Variants in OC90 observed in about 807,000 individuals in gnomAD.
The protein encoded by OC90 is otoconin 90, also known as otoconin-90.
OC90 carries 46 observed loss-of-function variants against 47.3 expected under a neutral mutation model. The ratio of observed to expected loss-of-function variants is 0.97; its 90% CI spans 0.77 to 1.24. OC90 has a LOEUF of 1.24. Among genes scored for constraint, OC90 ranks in the 50% most tolerant of loss-of-function variants. The probability of loss-of-function intolerance (pLI) is 0.00; values close to 1 mark genes in which losing one functional copy is unlikely to be tolerated. For missense variants in OC90, 688 were observed against 583.9 expected, an observed-to-expected ratio of 1.18 and a Z score of -1.84; for synonymous variants, 271 against 219.5, an observed-to-expected ratio of 1.23 and a Z score of -2.07.
At chr8:132,025,926 T>C (rs1369093200) in intron 13 of OC90, among the ~76,000 whole-genome samples, 1 of 152,242 alleles carries the variant, frequency 6.6e-6, no homozygotes, top group Non-Finnish European at 1.5e-5. Flanking sequence ...TAAGGAAATA[T>C]GTGTTAGATT....
At chr8:132,046,644 G>A (rs937688137) in intron 2 of OC90, among the ~76,000 whole-genome samples, 1 of 152,188 alleles carries the variant, frequency 6.6e-6, no homozygotes, top group African/African-American at 2.4e-5. Flanking sequence ...CTCTCTAAAA[G>A]TTCAGAGAGC....
At position 132,028,616 on chromosome 8, in the gene OC90, A is replaced by AG. The variant is rs1277224564; in HGVS notation, c.1138+456dup. On this transcript the variant is annotated intron_variant, in intron 13 of 13. Transcript: ENST00000254627. ...GAAGGAAGGAGGGAAGGAGGGAAGG[A>AG]GGAAGGAAGGAAGGAAGGAAAGAAA... Among the ~76,000 whole-genome samples, 97 of 38,468 alleles carry AG rather than the reference A, an allele frequency of 2.5e-3. 1 individual carries two copies. Among genetic ancestry groups the AG allele is most frequent in the African/African-American group, 4.1e-3 (49 of 11,880 alleles). 25.2% of individuals were successfully genotyped at this position (38,468 alleles called of 152,430 possible).
intron 8 of OC90, 109 bp downstream of exon 8, chr8:132,038,681 G>A: frequency 1.2e-6 from 1 of 841,412 alleles, no homozygotes; most frequent in African/African-American, 1.7e-5. Context: ...CAGTGTCACA[G>A]TCACTCCAGC....
chr8:132,035,449 C>T (rs540904651), intron 9 of OC90, among the ~76,000 whole-genome samples: 61 of 152,304 alleles, frequency 4.0e-4, no homozygotes, highest in African/African-American at 1.4e-3. Context: ...TAGGAGGCGG[C>T]TGCAAACCCA....
chr8:132,040,926 T>C (rs1823042364), intron 6 of OC90, 118 bp downstream of exon 6: 2 of 691,312 alleles, frequency 2.9e-6, no homozygotes, highest in East Asian at 2.5e-5. Flanking sequence ...CTGCCAACGA[T>C]GCTGCCAGTG....
intron 4 of OC90, 88 bp from the exon 5 acceptor site, chr8:132,041,787 C>A: frequency 1.4e-6 from 1 of 697,950 alleles, no homozygotes. Flanking sequence ...ATACCTCAGG[C>A]TGATGGTGCC....
chr8:132,030,341 A>G (rs1030639787), intron 12 of OC90, among the ~76,000 whole-genome samples: 3 of 152,234 alleles, frequency 2.0e-5, no homozygotes, highest in African/African-American at 7.2e-5. Flanking sequence ...TCCTTAGTGA[A>G]GAGTTTTCTC....
At chr8:132,028,706 CAGAAAGAAAGAAAGAAAG>C (rs1260290422) in intron 13 of OC90, among the ~76,000 whole-genome samples, 1 of 112,974 alleles carries the variant, frequency 8.9e-6, no homozygotes, top group African/African-American at 3.4e-5. Context: ...GAAAGAGAGA[CAGAAAGAAAGAAAGAAAG>C]AGAAAGAAAG....
chr8:132,034,838 T>C lies in OC90; in HGVS notation c.680-4A>G. The C allele has an allele frequency of 2.5e-6, 4 of 1,611,764 alleles. No homozygotes were observed. In the South Asian group the frequency reaches 4.4e-5, roughly 18 times the overall value. On this transcript the variant is annotated splice_polypyrimidine_tract_variant and splice_region_variant and intron_variant, in intron 9 of 13. Coordinates refer to ENST00000254627, the MANE Select transcript of OC90 (RefSeq NM_001080399.3). ...CCTTCCTGATCGTGGCCTGCTTCTG[T>C]TCCCCAAAGAAGAGAGACAGCATGA...
chr8:132,044,251 T>G (rs1255310721), intron 4 of OC90, among the ~76,000 whole-genome samples, 182 bp downstream of exon 4: 1 of 152,172 alleles, frequency 6.6e-6, no homozygotes, highest in East Asian at 1.9e-4. Flanking sequence ...GGTAGCTCAG[T>G]GGCTCACCCT....
intron 7 of OC90, 64 bp downstream of exon 7, chr8:132,038,931 G>T: frequency 2.5e-6 from 4 of 1,611,766 alleles, no homozygotes; most frequent in Non-Finnish European, 3.4e-6. Context: ...AGCAATAATT[G>T]ATCCCAAACC....
chr8:132,045,313 G>A (rs972039756), intron 3 of OC90, among the ~76,000 whole-genome samples: 8 of 152,182 alleles, frequency 5.3e-5, no homozygotes, highest in East Asian at 1.9e-4. Context: ...CATCACCAGC[G>A]AATTCACTAT....
At chr8:132,050,950 C>T (rs770043815) in intron 2 of OC90, among the ~76,000 whole-genome samples, 9 of 152,084 alleles carry the variant, frequency 5.9e-5, no homozygotes, top group South Asian at 2.1e-4. Context: ...GCTGAGATCA[C>T]GCCATTGCAC....
chr8:132,040,446 AG>A (rs1425439571), intron 6 of OC90, among the ~76,000 whole-genome samples: 9 of 152,222 alleles, frequency 5.9e-5, no homozygotes, highest in African/African-American at 2.2e-4. Flanking sequence ...TACCTCTGCC[AG>A]GGTTGCCTAG....
chr8:132,035,752 G>T (rs1262790223), intron 9 of OC90, among the ~76,000 whole-genome samples: 1 of 152,148 alleles, frequency 6.6e-6, no homozygotes, highest in Admixed American at 6.5e-5. Context: ...CAGAACGAAA[G>T]GACTATCAAG....
At chr8:132,046,259 C>A (rs564548040) in intron 2 of OC90, among the ~76,000 whole-genome samples, 4 of 125,788 alleles carry the variant, frequency 3.2e-5, no homozygotes, top group Non-Finnish European at 6.8e-5. Context: ...CCCCAACCCC[C>A]AAGGAGTTTA....
chr8:132,048,859 A>G (rs1823173867), intron 2 of OC90, among the ~76,000 whole-genome samples: 1 of 151,494 alleles, frequency 6.6e-6, no homozygotes, highest in African/African-American at 2.5e-5. Flanking sequence ...AGTCTACAAG[A>G]GGGCAGCTGC....
chr8:132,041,128 C>T lies in OC90; in HGVS notation c.373G>A (p.Glu125Lys), dbSNP rs763614435. 1.9e-6 allele frequency: 3 copies of T among 1,613,772 alleles called. No individual in the cohort carries two copies. Among genetic ancestry groups the T allele is most frequent in the South Asian group, 1.1e-5 (1 of 91,080 alleles). Residue 125 changes from glutamate to lysine, a missense_variant, in exon 6 of 14, where the codon GAG becomes AAG. By Grantham distance (56) the Glu-to-Lys change is moderately conservative. Transcript: ENST00000254627. ...SCCFQHRRCY[E>K]EAAEMDCLQD... ...AGACAGTCCATCTCAGCGGCCTCCT[C>T]ATAGCACCTGCGGTGCTGGAAGCAG...
intron 3 of OC90, 44 bp downstream of exon 3, chr8:132,045,774 C>G (rs1237083223): frequency 9.0e-7 from 1 of 1,114,798 alleles, no homozygotes; most frequent in African/African-American, 1.5e-5. Context: ...ATATCCTAGA[C>G]AACTTTCTAC....
Sources: allele counts gnomAD v4.1 joint callset (sites outside exome capture counted in the v4.1 genomes callset), GRCh38; gene constraint gnomAD v4.1.1; transcripts MANE v1.5; gene names NCBI Gene and HGNC (gene_info 2026-07-23, HGNC 2026-07-21).